MED13L: variants seen among roughly 807,000 people sequenced by gnomAD.
MED13L encodes mediator complex subunit 13L.
A neutral mutation model predicts 220.9 loss-of-function variants in MED13L; 7 were observed. The ratio of observed to expected loss-of-function variants is 0.03; its 90% confidence interval spans 0.02 to 0.06. The LOEUF (loss-of-function observed/expected upper bound fraction) is 0.06, where lower values mean the gene tolerates loss of function less well. MED13L is among the 10% of genes least tolerant of loss of function. MED13L has a pLI of 1.00. For synonymous variants in MED13L, 1,011 were observed against 1,015.2 expected, an observed-to-expected ratio of 1.00 and a Z score of 0.08; for missense variants, 1,965 against 2,760.5, an observed-to-expected ratio of 0.71 and a Z score of 6.46.
intron 23 of MED13L, among the ~76,000 whole-genome samples, chr12:115,976,883 A>G (rs1265737868): frequency 6.6e-6 from 1 of 152,186 alleles, no homozygotes; most frequent in African/African-American, 2.4e-5. Context: ...CTCACTGGCT[A>G]AGTGTGTTGG....
At chr12:116,073,954 AT>A (rs1326586263) in intron 4 of MED13L, among the ~76,000 whole-genome samples, 3 of 152,144 alleles carry the variant, frequency 2.0e-5, no homozygotes, top group Non-Finnish European at 4.4e-5. Flanking sequence ...GTATCACTGC[AT>A]TTTTCTTCAC....
chr12:116,207,836 T>TATG (rs1054871041), intron 2 of MED13L, among the ~76,000 whole-genome samples: 69 of 150,878 alleles, frequency 4.6e-4, no homozygotes, highest in African/African-American at 1.6e-3. Context: ...GCCTAAAAGG[T>TATG]ATGAGTAAGT....
rs770323187 is a variant in MED13L at position 116,007,471 on chromosome 12, G to C, written c.2178C>G (p.Ile726Met). The change falls in exon 11 of 31, where the codon ATC becomes ATG. Residue 726 changes from isoleucine to methionine, a missense_variant. By Grantham distance (10) the Ile-to-Met change is conservative. Coordinates refer to ENST00000281928, the MANE Select transcript of MED13L (RefSeq NM_015335.5). Reference sequence around the variant, plus strand: ...GTTTGCATTTCTTGTTGGCTGTAAAGATGTATTTTATGTCACCATCTTCAA... The same window carrying C: ...GTTTGCATTTCTTGTTGGCTGTAAACATGTATTTTATGTCACCATCTTCAA... ...YTFEDGDIKY[I>M]FTANKKCKQG... is the part of the protein sequence containing the mutation. The C allele has an allele frequency of 6.2e-7, 1 of 1,613,866 alleles. No homozygotes were observed. The highest frequency in any genetic ancestry group is 8.5e-7 in the Non-Finnish European group (1 of 1,179,910).
At chr12:116,089,473 A>G (rs1023508953) in intron 4 of MED13L, among the ~76,000 whole-genome samples, 2 of 152,248 alleles carry the variant, frequency 1.3e-5, no homozygotes, top group African/African-American at 4.8e-5. Context: ...CTGAAAACAT[A>G]CCATAAGTAT....
chr12:115,959,170 CCATT>C lies in MED13L; in HGVS notation c.*2092_*2095del, dbSNP rs748144947. The C allele has an allele frequency of 7.9e-5, 12 of 152,472 alleles. No individual in the cohort carries two copies. The highest frequency in any genetic ancestry group is 1.3e-4 in the Non-Finnish European group (9 of 67,978). The allele number at this position is 152,472 out of a possible 1,614,324, so 9.4% of individuals were successfully genotyped here. On this transcript the variant is annotated 3_prime_UTR_variant, in exon 31 of 31. Transcript: ENST00000281928. ...TAATAAGATTTTTTAAAATCTATTG[CCATT>C]CATTTATTTTTGCACAAAAACGTAT...
At chr12:116,119,838 A>ATATATATATATATAT (rs1204568125) in intron 2 of MED13L, among the ~76,000 whole-genome samples, 2 of 31,592 alleles carry the variant, frequency 6.3e-5, no homozygotes, top group African/African-American at 2.7e-4. Flanking sequence ...AAAAAAAAAA[A>ATATATATATATATAT]ATATATATAT....
intron 2 of MED13L, among the ~76,000 whole-genome samples, chr12:116,132,772 T>C (rs1220972044): frequency 6.6e-6 from 1 of 151,904 alleles, no homozygotes; most frequent in East Asian, 1.9e-4. Flanking sequence ...ATACAAAAAT[T>C]AGCCGGGTGT....
intron 8 of MED13L, among the ~76,000 whole-genome samples, chr12:116,014,437 G>A (rs1242606753): frequency 6.6e-6 from 1 of 152,164 alleles, no homozygotes; most frequent in Non-Finnish European, 1.5e-5. Flanking sequence ...ATCTTGATAA[G>A]TGGAATAGTA....
At chr12:116,240,726 CGG>C (rs893957640) in intron 1 of MED13L, among the ~76,000 whole-genome samples, 1 of 150,560 alleles carries the variant, frequency 6.6e-6, no homozygotes, top group African/African-American at 2.4e-5. Context: ...TTAGTAGAGA[CGG>C]GGGGGTTTCA....
chr12:115,977,029 G>A (rs1451286600), intron 23 of MED13L, among the ~76,000 whole-genome samples: 5 of 152,182 alleles, frequency 3.3e-5, no homozygotes, highest in Non-Finnish European at 7.3e-5. Flanking sequence ...CAGGCATGAT[G>A]GTGCATGCCT....
chr12:116,258,601 A>AC (rs1317324992), intron 1 of MED13L, among the ~76,000 whole-genome samples: 2 of 151,754 alleles, frequency 1.3e-5, no homozygotes, highest in African/African-American at 4.8e-5. Context: ...ACATGGTGAA[A>AC]CCCCGTCTCT....
intron 2 of MED13L, among the ~76,000 whole-genome samples, chr12:116,124,119 A>AGAGAGAGAGAGAGAGAG (rs1875335485): frequency 2.0e-5 from 2 of 100,414 alleles, no homozygotes; most frequent in South Asian, 8.2e-4. Flanking sequence ...GAGAGAGAGA[A>AGAGAGAGAGAGAGAGAG]AGACGAGAGA....
At chr12:116,255,477 G>C (rs1048738851) in intron 1 of MED13L, among the ~76,000 whole-genome samples, 2 of 152,194 alleles carry the variant, frequency 1.3e-5, no homozygotes, top group Admixed American at 6.5e-5. Context: ...GGATGGCAAA[G>C]ATGTCTTAGG....
chr12:116,216,610 C>A (rs966589159), intron 2 of MED13L, among the ~76,000 whole-genome samples: 1 of 152,140 alleles, frequency 6.6e-6, no homozygotes, highest in Admixed American at 6.5e-5. Flanking sequence ...TCACAGAGAA[C>A]ACCAAGTTTA....
chr12:116,262,423 A>G (rs1213087765), intron 1 of MED13L, among the ~76,000 whole-genome samples: 2 of 152,254 alleles, frequency 1.3e-5, no homozygotes, highest in Non-Finnish European at 2.9e-5. Context: ...GTTAACATAT[A>G]TAACTAAATT....
chr12:116,055,889 C>T (rs1343688872), intron 4 of MED13L, among the ~76,000 whole-genome samples: 2 of 150,484 alleles, frequency 1.3e-5, no homozygotes, highest in African/African-American at 2.5e-5. Flanking sequence ...TGAGACTCCC[C>T]GTCTCCAAAA....
intron 4 of MED13L, among the ~76,000 whole-genome samples, chr12:116,032,368 A>G (rs1239227643): frequency 6.6e-6 from 1 of 152,174 alleles, no homozygotes; most frequent in East Asian, 1.9e-4. Flanking sequence ...AAACCATGGT[A>G]ATTATAACAG....
rs780289109 is a variant in MED13L, at chr12:115,975,208, G to A, written c.5694C>T (p.Ile1898=). 1.2e-5 allele frequency: 19 copies of A among 1,613,964 alleles called. No individual in the cohort carries two copies. Among genetic ancestry groups the A allele is most frequent in the Middle Eastern group, 1.6e-4 (1 of 6,082 alleles). ...QMTSLPWRVV[I]GRLGRLGHGE... ...CATGGCCAAGACGCCCAAGTCGCCCGATTACAACTCTCCAGGGTAGAGATG... is the reference window on the plus strand; with the variant it reads ...CATGGCCAAGACGCCCAAGTCGCCCAATTACAACTCTCCAGGGTAGAGATG... The change falls in exon 25 of 31, where the codon ATC becomes ATT. Residue 1898 remains isoleucine (I), a synonymous_variant. Transcript: ENST00000281928.
At chr12:115,987,058 ACTGAACAG>A in intron 18 of MED13L, 43 bp downstream of exon 18, 1 of 1,581,316 alleles carries the variant, frequency 6.3e-7, no homozygotes, top group Non-Finnish European at 8.7e-7. Context: ...GCTGCTCTTC[ACTGAACAG>A]CACTGAAGTC....
Sources: allele counts gnomAD v4.1 joint callset (sites outside exome capture counted in the v4.1 genomes callset), GRCh38; gene constraint gnomAD v4.1.1; transcripts MANE v1.5; gene names NCBI Gene and HGNC (gene_info 2026-07-23, HGNC 2026-07-21).